Variants in PPP4R4 observed in about 807,000 individuals in gnomAD.
PPP4R4 encodes serine/threonine-protein phosphatase 4 regulatory subunit 4.
Under a neutral mutation model 121.8 loss-of-function variants are expected in PPP4R4, and 70 were observed. The observed-to-expected ratio is 0.57, with a 90% CI of 0.47 to 0.70. The LOEUF (loss-of-function observed/expected upper bound fraction) is 0.70. Ranked by LOEUF, PPP4R4 falls within the 30% of genes least tolerant of loss-of-function variation. The pLI, the probability that PPP4R4 is intolerant of heterozygous loss-of-function variation, is 0.00. For missense variants in PPP4R4, 875 were observed against 1,033.6 expected, an observed-to-expected ratio of 0.85 and a Z score of 2.10; for synonymous variants, 348 against 355.7, an observed-to-expected ratio of 0.98 and a Z score of 0.24.
At chr14:94,265,073 A>G in intron 20 of PPP4R4, 126 bp downstream of exon 20, 1 of 935,712 alleles carries the variant, frequency 1.1e-6, no homozygotes, top group Non-Finnish European at 1.6e-6. Context: ...TCATTTTTGA[A>G]AAGTCGTTTT....
chr14:94,262,029 G>T (rs1453949559), intron 19 of PPP4R4, among the ~76,000 whole-genome samples: 1 of 151,900 alleles, frequency 6.6e-6, no homozygotes, highest in African/African-American at 2.4e-5. Flanking sequence ...TTTGGGATTA[G>T]ATTTGGTATT....
In PPP4R4 at chr14:94,208,469, G is replaced by T; in HGVS notation, c.197G>T (p.Gly66Val). The change falls in exon 3 of 25, where the codon GGT becomes GTT. Residue 66 changes from glycine (G) to valine (V), a missense_variant. By Grantham distance (109) the Gly-to-Val change is moderately radical (BLOSUM62 -3). Transcript: ENST00000304338. ...ATTTGTGTTTTCTTTGTAAGTGCTG[G>T]TCAAGATGTCCAAGGAACAAGTGTG... ...IERAVYLLSA[G>V]QDVQGTSVIA... The T allele has an allele frequency of 6.2e-7, 1 of 1,604,514 alleles. No individual in the cohort carries two copies. Among genetic ancestry groups the T allele is most frequent in the African/African-American group, 1.3e-5 (1 of 74,734 alleles).
chr14:94,254,134 A>G (rs1026664693), intron 16 of PPP4R4, among the ~76,000 whole-genome samples: 15 of 152,338 alleles, frequency 9.8e-5, no homozygotes, highest in African/African-American at 3.6e-4. Flanking sequence ...GTGGTCCCTA[A>G]TCTCAAGAAT....
intron 24 of PPP4R4, among the ~76,000 whole-genome samples, chr14:94,277,988 G>A (rs1894732077): frequency 6.6e-6 from 1 of 152,014 alleles, no homozygotes; most frequent in African/African-American, 2.4e-5. Flanking sequence ...GATCTCTCTT[G>A]AGTGCACACT....
At chr14:94,199,002 A>C (rs1890026132) in intron 2 of PPP4R4, among the ~76,000 whole-genome samples, 12 of 152,176 alleles carry the variant, frequency 7.9e-5, no homozygotes, top group Admixed American at 7.9e-4. Context: ...TGTTTTAGCT[A>C]TTCTATATCC....
In PPP4R4 at chr14:94,258,204, C is replaced by T. The variant is rs777990463; in HGVS notation, c.2011-579C>T. Among the ~76,000 whole-genome samples the T allele has an allele frequency of 1.4e-4, 22 of 152,286 alleles. 1 individual carries two copies. In the Middle Eastern group the frequency reaches 0.017, roughly 118 times the overall value. ...TACTTTATTTTGGCCATTAGGGTTACTCTTGTAGAATAAGTTTTAGAAGTA... is the reference window on the plus strand; with the variant it reads ...TACTTTATTTTGGCCATTAGGGTTATTCTTGTAGAATAAGTTTTAGAAGTA... On this transcript the variant is annotated intron_variant, in intron 17 of 24. Transcript: ENST00000304338.
chr14:94,219,858 G>A (rs1891290081), intron 3 of PPP4R4, among the ~76,000 whole-genome samples: 1 of 152,138 alleles, frequency 6.6e-6, no homozygotes, highest in Non-Finnish European at 1.5e-5. Flanking sequence ...GCTATTAGGA[G>A]GCTGAGGCTG....
At chr14:94,181,314 T>C (rs1244318533) in intron 2 of PPP4R4, among the ~76,000 whole-genome samples, 1 of 152,082 alleles carries the variant, frequency 6.6e-6, no homozygotes, top group Non-Finnish European at 1.5e-5. Flanking sequence ...TATGTGTATA[T>C]AGGTGGTCTT....
chr14:94,254,939 G>A (rs1242795399), intron 16 of PPP4R4, among the ~76,000 whole-genome samples: 1 of 152,066 alleles, frequency 6.6e-6, no homozygotes, highest in African/African-American at 2.4e-5. Flanking sequence ...CCTTAGACTA[G>A]GTCCTTTTAT....
chr14:94,198,773 A>G (rs1345127267), intron 2 of PPP4R4, among the ~76,000 whole-genome samples: 2 of 152,214 alleles, frequency 1.3e-5, no homozygotes, highest in Non-Finnish European at 2.9e-5. Flanking sequence ...CACTTGTTGA[A>G]AAGATTATCA....
rs990825220 is a variant in PPP4R4 at position 94,252,375 on chromosome 14, G to A, written c.1865+479G>A. ...TTATATTATTGAAATCCAGTAAAAT[G>A]TTAATTGCATTTGATTAACTGTTAA... On this transcript the variant is annotated intron_variant, in intron 16 of 24. Transcript: ENST00000304338. 2.2e-4 allele frequency among the ~76,000 whole-genome samples: 34 copies of A among 152,212 alleles called. 1 individual carries two copies. In the Middle Eastern group the frequency reaches 0.01, roughly 46 times the overall value.
At chr14:94,270,669 C>T (rs1894273829) in intron 23 of PPP4R4, among the ~76,000 whole-genome samples, 1 of 152,042 alleles carries the variant, frequency 6.6e-6, no homozygotes, top group African/African-American at 2.4e-5. Flanking sequence ...CCTGTAATCC[C>T]AGCAATTTGG....
chr14:94,216,691 G>A (rs1218739149), intron 3 of PPP4R4, among the ~76,000 whole-genome samples: 5 of 152,176 alleles, frequency 3.3e-5, no homozygotes, highest in Non-Finnish European at 5.9e-5. Context: ...TGAAGCAAGA[G>A]TCTAAGCTGC....
At chr14:94,174,929 T>G in intron 1 of PPP4R4, among the ~76,000 whole-genome samples, 1 of 89,842 alleles carries the variant, frequency 1.1e-5, no homozygotes, top group Non-Finnish European at 2.2e-5. Context: ...GCTCCAGCCC[T>G]CGGGGCAGCC....
chr14:94,270,783 T>C (rs576832323), intron 23 of PPP4R4, among the ~76,000 whole-genome samples: 1 of 152,016 alleles, frequency 6.6e-6, no homozygotes, highest in African/African-American at 2.4e-5. Flanking sequence ...CTGGGTGTGG[T>C]GGTGTGCACC....
chr14:94,256,051 C>T (rs1342562676), intron 16 of PPP4R4, among the ~76,000 whole-genome samples: 1 of 152,160 alleles, frequency 6.6e-6, no homozygotes, highest in Non-Finnish European at 1.5e-5. Context: ...TTCTTTAGGT[C>T]TTTGCTTAAA....
chr14:94,248,574 A>G (rs1364049815), intron 14 of PPP4R4, among the ~76,000 whole-genome samples: 1 of 152,206 alleles, frequency 6.6e-6, no homozygotes, highest in African/African-American at 2.4e-5. Context: ...TTACTCTTGA[A>G]TAGCCAGCGC....
At chr14:94,250,372 A>G (rs1413549569) in intron 15 of PPP4R4, 95 bp downstream of exon 15, 2 of 785,734 alleles carry the variant, frequency 2.5e-6, no homozygotes, top group African/African-American at 1.7e-5. Flanking sequence ...GCTGTGAATA[A>G]TTAGGTTACT....
intron 2 of PPP4R4, among the ~76,000 whole-genome samples, chr14:94,195,685 T>A (rs1387913016): frequency 1.3e-5 from 2 of 151,622 alleles, no homozygotes; most frequent in African/African-American, 4.8e-5. Flanking sequence ...TAAAAAAAAA[T>A]GTCCCTAGAC....
Sources: allele counts gnomAD v4.1 joint callset (sites outside exome capture counted in the v4.1 genomes callset), GRCh38; gene constraint gnomAD v4.1.1; transcripts MANE v1.5; gene names NCBI Gene and HGNC (gene_info 2026-07-23, HGNC 2026-07-21).